Variants in NBEAL1 observed in about 807,000 individuals in gnomAD.
NBEAL1 encodes neurobeachin-like protein 1.
Under a neutral mutation model 351.3 loss-of-function variants are expected in NBEAL1, and 273 were observed. That is an observed-to-expected ratio of 0.78 (90% confidence interval 0.70 to 0.86). NBEAL1 has a LOEUF of 0.86. NBEAL1 is among the 40% of genes least tolerant of loss of function. NBEAL1 has a pLI of 0.00. For missense variants in NBEAL1, 2,961 were observed against 3,201.3 expected (o/e 0.92, Z 1.81); for synonymous variants, 1,050 against 1,086.4 (o/e 0.97, Z 0.66).
At chr2:203,030,829 A>G (rs2060938636) in intron 2 of NBEAL1, among the ~76,000 whole-genome samples, 1 of 152,192 alleles carries the variant, frequency 6.6e-6, no homozygotes, top group Admixed American at 6.5e-5. Flanking sequence ...ACTGCGCAAC[A>G]TAGTGAGGCC....
At position 203,049,892 on chromosome 2, in the gene NBEAL1, T is replaced by C. The variant is rs1402028487; in HGVS notation, c.222T>C (p.Cys74=). 6.4e-7 allele frequency: 1 copy of C among 1,557,216 alleles called. No homozygotes were observed. Among genetic ancestry groups the C allele is most frequent in the Admixed American group, 2.0e-5 (1 of 51,036 alleles). ...LQVLRIQLLQ[C]VQKMADGLEE... ...TTCTGAGGATCCAGCTTCTACAGTGTGTTCAGAAAATGGCAGATGGGTTAG... is the reference window on the plus strand; with the variant it reads ...TTCTGAGGATCCAGCTTCTACAGTGCGTTCAGAAAATGGCAGATGGGTTAG... Residue 74 remains cysteine (C), a synonymous_variant, in exon 4 of 56, where the codon TGT becomes TGC. Transcript: ENST00000683969.
At chr2:203,177,247 C>G (rs2064537530) in intron 42 of NBEAL1, among the ~76,000 whole-genome samples, 1 of 150,900 alleles carries the variant, frequency 6.6e-6, no homozygotes, top group Non-Finnish European at 1.5e-5. Flanking sequence ...ATAAAAAACC[C>G]TTACACTCAA....
chr2:203,172,354 C>G (rs2064348223), intron 40 of NBEAL1, among the ~76,000 whole-genome samples: 1 of 152,010 alleles, frequency 6.6e-6, no homozygotes, highest in Non-Finnish European at 1.5e-5. Context: ...AACCCCGTCT[C>G]TACTAAAAAT....
intron 6 of NBEAL1, among the ~76,000 whole-genome samples, chr2:203,066,323 CTTTTTT>C (rs35459326): frequency 7.1e-6 from 1 of 139,984 alleles, no homozygotes; most frequent in African/African-American, 2.6e-5. Context: ...AAATTTTATC[CTTTTTT>C]TTTTTTTTTT....
At chr2:203,135,561 AT>A in intron 27 of NBEAL1, 115 bp from the exon 28 acceptor site, 1 of 662,300 alleles carries the variant, frequency 1.5e-6, no homozygotes, top group East Asian at 2.9e-5. Flanking sequence ...TTGAAAGTAT[AT>A]TCTTCTATAG....
rs186781145 is a variant in NBEAL1, at chr2:203,143,873, C to A, written c.4849-727C>A. ...TCCAATATAATAAAGATAATGTCTC[C>A]CTCCATAGCAAAATCAGACAAGTTT... On this transcript the variant is annotated intron_variant, in intron 31 of 55. Coordinates refer to ENST00000683969, the MANE Select transcript of NBEAL1 (RefSeq NM_001378026.1). Among the ~76,000 whole-genome samples the A allele has an allele frequency of 2.0e-5, 3 of 152,066 alleles. No homozygotes were observed. The East Asian group carries it at 5.8e-4, about 29-fold the overall frequency.
intron 4 of NBEAL1, among the ~76,000 whole-genome samples, chr2:203,055,481 T>C (rs1337559684): frequency 6.6e-6 from 1 of 152,058 alleles, no homozygotes; most frequent in Admixed American, 6.6e-5. Context: ...GGCACATACC[T>C]GTAGTCCCAG....
Position 203,207,057 on chromosome 2 carries a change from G to A in NBEAL1, c.7507-1580G>A, listed in dbSNP as rs980659144. On this transcript the variant is annotated intron_variant, in intron 51 of 55. Transcript: ENST00000683969. ...GCCCATCATCTGAGATGTGGGGAGC[G>A]CCTCTGCCCTGTCGCCCCGTCCGGG... is the stretch of plus-strand genomic sequence containing the variant. 4.0e-5 allele frequency among the ~76,000 whole-genome samples: 6 copies of A among 150,120 alleles called. No individual in the cohort carries two copies. In the South Asian group the frequency reaches 1.1e-3, roughly 27 times the overall value.
chr2:203,028,446 T>G (rs2060896619), intron 2 of NBEAL1, among the ~76,000 whole-genome samples: 1 of 151,698 alleles, frequency 6.6e-6, no homozygotes, highest in South Asian at 2.1e-4. Context: ...ATGCAGGAGG[T>G]CAGTTACAGA....
rs2065930552 is a variant in NBEAL1, at chr2:203,219,381, A to C, written c.*2027A>C. ...AGTTTTCTAAAACTTAGATAATTAG[A>C]AAAAATGCCTAAGTTTATGATGTTT... On this transcript the variant is annotated 3_prime_UTR_variant, in exon 56 of 56. Transcript: ENST00000683969. The C allele has an allele frequency of 6.6e-6, 1 of 152,108 alleles. No homozygotes were observed. Among genetic ancestry groups the C allele is most frequent in the African/African-American group, 2.4e-5 (1 of 41,416 alleles). The allele number at this position is 152,108 out of a possible 1,614,324, so 9.4% of individuals were successfully genotyped here.
intron 2 of NBEAL1, among the ~76,000 whole-genome samples, chr2:203,032,089 CA>C (rs2060957907): frequency 6.6e-6 from 1 of 152,116 alleles, no homozygotes; most frequent in African/African-American, 2.4e-5. Flanking sequence ...CGGAGAGGCC[CA>C]TCTTGTAAAG....
intron 45 of NBEAL1, among the ~76,000 whole-genome samples, chr2:203,189,868 G>T (rs1351365872): frequency 6.6e-6 from 1 of 151,056 alleles, no homozygotes; most frequent in Non-Finnish European, 1.5e-5. Flanking sequence ...CAGGGTGGTG[G>T]CTCACGCCTG....
intron 9 of NBEAL1, 143 bp from the exon 10 acceptor site, chr2:203,084,320 G>A: frequency 4.7e-6 from 2 of 426,430 alleles, no homozygotes; most frequent in Non-Finnish European, 4.1e-6. Flanking sequence ...ATGCTTTTAT[G>A]TGCTTTTGTG....
chr2:203,196,100 A>G (rs2065234458), intron 47 of NBEAL1, among the ~76,000 whole-genome samples: 1 of 152,054 alleles, frequency 6.6e-6, no homozygotes. Context: ...ACAACACAAG[A>G]CCCTATTTGA....
chr2:203,209,044 A>T, intron 52 of NBEAL1, 117 bp from the exon 53 acceptor site: 1 of 803,090 alleles, frequency 1.2e-6, no homozygotes, highest in Non-Finnish European at 1.9e-6. Flanking sequence ...TCCTTGATGG[A>T]ATAATCATTT....
chr2:203,128,911 TC>T (rs2063010009), intron 24 of NBEAL1, among the ~76,000 whole-genome samples: 1 of 152,216 alleles, frequency 6.6e-6, no homozygotes, highest in Admixed American at 6.5e-5. Flanking sequence ...TAGGTAGATT[TC>T]TAACCTAGGT....
chr2:203,100,871 G>A (rs923522953), intron 12 of NBEAL1, among the ~76,000 whole-genome samples: 6 of 152,016 alleles, frequency 3.9e-5, no homozygotes, highest in Non-Finnish European at 7.4e-5. Flanking sequence ...AAAAGTGTCC[G>A]TTCTTGTCCT....
At chr2:203,196,226 T>G (rs1244090283) in intron 47 of NBEAL1, among the ~76,000 whole-genome samples, 1 of 152,254 alleles carries the variant, frequency 6.6e-6, no homozygotes, top group Non-Finnish European at 1.5e-5. Context: ...CCAAGTTCCA[T>G]CTGCAGGTGC....
At position 203,223,967 on chromosome 2, in the gene NBEAL1, C is replaced by T. The variant is rs1212968491; in HGVS notation, c.*6613C>T. Among the ~76,000 whole-genome samples the T allele has an allele frequency of 1.3e-5, 2 of 152,002 alleles. No individual in the cohort carries two copies. Among genetic ancestry groups the T allele is most frequent in the Non-Finnish European group, 2.9e-5 (2 of 67,908 alleles). On this transcript the variant is annotated 3_prime_UTR_variant, in exon 56 of 56. Transcript: ENST00000683969. ...TCAGTAGTCAGACTTAATTGAAAAACTGTCAGCGTCTGTTTTGTATATAGG... is the reference window on the plus strand; with the variant it reads ...TCAGTAGTCAGACTTAATTGAAAAATTGTCAGCGTCTGTTTTGTATATAGG...
Sources: allele counts gnomAD v4.1 joint callset (sites outside exome capture counted in the v4.1 genomes callset), GRCh38; gene constraint gnomAD v4.1.1; transcripts MANE v1.5; gene names NCBI Gene and HGNC (gene_info 2026-07-23, HGNC 2026-07-21).